Variants in CMIP observed in about 807,000 individuals in gnomAD.
CMIP encodes the protein C-Maf-inducing protein.
CMIP carries 13 observed loss-of-function variants against 97.3 expected under a neutral mutation model. The ratio of observed to expected loss-of-function variants is 0.13; its 90% CI spans 0.09 to 0.21. The LOEUF is 0.21. CMIP is among the 10% of genes least tolerant of loss of function. The pLI is 1.00. For synonymous variants in CMIP, 538 were observed against 436.3 expected, an observed-to-expected ratio of 1.23 and a Z score of -2.91; for missense variants, 847 against 1,024.9, an observed-to-expected ratio of 0.83 and a Z score of 2.37.
chr16:81,460,618 A>G (rs1269290546), intron 1 of CMIP, among the ~76,000 whole-genome samples: 1 of 151,912 alleles, frequency 6.6e-6, no homozygotes, highest in African/African-American at 2.4e-5. Context: ...GCCTTAATAT[A>G]TTGTCCTTTT....
rs138463331 is a variant in CMIP, at chr16:81,610,614, G to C, written c.426+2922G>C. The stretch of plus-strand genomic sequence containing the variant: ...CATTTCCGTCAGGGGAGGTAGACCT[G>C]GATCGGCTTCTCCCTTGCTTCCCTC... On this transcript the variant is annotated intron_variant, in intron 2 of 20. Transcript: ENST00000537098. 2.8e-4 allele frequency: 243 copies of C among 863,018 alleles called. No individual in the cohort carries two copies. The African/African-American group carries it at 4.2e-3, about 15-fold the overall frequency. The allele number at this position is 863,018 out of a possible 1,614,324, so 53.5% of individuals were successfully genotyped here.
intron 7 of CMIP, chr16:81,665,127 A>C (rs963761737): frequency 1.3e-5 from 2 of 152,238 alleles, no homozygotes; most frequent in Non-Finnish European, 2.9e-5. Context: ...GGAAATCTGA[A>C]TAAAGCTTGG....
intron 19 of CMIP, 90 bp from the exon 20 acceptor site, chr16:81,706,924 C>A: frequency 1.9e-6 from 2 of 1,080,944 alleles, no homozygotes; most frequent in Non-Finnish European, 2.8e-6. Flanking sequence ...GGGCCTGGCA[C>A]CTGCATTGAG....
At chr16:81,660,976 T>G (rs1240010191) in intron 6 of CMIP, 30 bp downstream of exon 6, 1 of 1,613,824 alleles carries the variant, frequency 6.2e-7, no homozygotes, top group African/African-American at 1.3e-5. Flanking sequence ...GGGCTGTGGC[T>G]GCAGGAAGTA....
intron 4 of CMIP, among the ~76,000 whole-genome samples, chr16:81,656,960 C>G (rs1175405597): frequency 6.6e-6 from 1 of 151,876 alleles, no homozygotes; most frequent in African/African-American, 2.4e-5. Flanking sequence ...ACATGACACT[C>G]AAAGGAAACG....
intron 16 of CMIP, among the ~76,000 whole-genome samples, chr16:81,702,239 G>A (rs1252580331): frequency 7.2e-5 from 11 of 152,198 alleles, no homozygotes; most frequent in Non-Finnish European, 1.6e-4. Context: ...TCTGGGGAGA[G>A]TGTGTAGAAA....
chr16:81,578,079 T>G (rs1200323050), intron 1 of CMIP, among the ~76,000 whole-genome samples: 2 of 151,142 alleles, frequency 1.3e-5, no homozygotes, highest in Non-Finnish European at 2.9e-5. Context: ...ACCATCACCT[T>G]CATCACCACC....
chr16:81,690,403 C>T (rs182815750), intron 10 of CMIP, among the ~76,000 whole-genome samples: 268 of 152,268 alleles, frequency 1.8e-3, no homozygotes, highest in Non-Finnish European at 3.0e-3. Flanking sequence ...GGGTATTTAG[C>T]ATCAACTCTT....
chr16:81,471,391 T>G (rs929104540), intron 1 of CMIP, among the ~76,000 whole-genome samples: 2 of 149,924 alleles, frequency 1.3e-5, no homozygotes, highest in African/African-American at 4.9e-5. Flanking sequence ...TGCATATGCA[T>G]ATACACGTAC....
chr16:81,484,583 GT>G (rs1408659733), intron 1 of CMIP, among the ~76,000 whole-genome samples: 2 of 152,098 alleles, frequency 1.3e-5, no homozygotes, highest in Non-Finnish European at 2.9e-5. Flanking sequence ...GCAGGAGTGG[GT>G]TTTTGTAGTG....
chr16:81,553,609 GGA>G (rs200975628), intron 1 of CMIP, among the ~76,000 whole-genome samples: 1 of 152,168 alleles, frequency 6.6e-6, no homozygotes, highest in Non-Finnish European at 1.5e-5. Context: ...CAGGCCAAGG[GGA>G]GAGAGAGAGA....
chr16:81,482,916 G>A (rs2089249186), intron 1 of CMIP, among the ~76,000 whole-genome samples: 1 of 152,258 alleles, frequency 6.6e-6, no homozygotes. Flanking sequence ...CTGCTTGCTC[G>A]TCCGTTCAGC....
intron 1 of CMIP, among the ~76,000 whole-genome samples, chr16:81,551,475 A>G (rs1017598097): frequency 2.2e-4 from 33 of 152,226 alleles, no homozygotes; most frequent in Admixed American, 5.2e-4. Context: ...AGAAAAATGA[A>G]AAAACATTTG....
intron 7 of CMIP, chr16:81,664,820 G>T (rs1465947995): frequency 3.9e-6 from 1 of 254,148 alleles, no homozygotes; most frequent in Non-Finnish European, 7.4e-6. Context: ...CAACAAGCCA[G>T]TTAGACAGAA....
At chr16:81,516,250 T>G (rs1003922984) in intron 1 of CMIP, among the ~76,000 whole-genome samples, 1 of 152,172 alleles carries the variant, frequency 6.6e-6, no homozygotes, top group African/African-American at 2.4e-5. Context: ...GTCACTTGAC[T>G]TCAGCAGCCC....
intron 1 of CMIP, among the ~76,000 whole-genome samples, chr16:81,550,003 C>T (rs989582511): frequency 2.0e-4 from 30 of 152,196 alleles, no homozygotes; most frequent in African/African-American, 6.8e-4. Context: ...ATGCGCTCAC[C>T]CGTGTGCGTG....
intron 1 of CMIP, among the ~76,000 whole-genome samples, chr16:81,598,565 G>C (rs1159073822): frequency 2.0e-5 from 3 of 152,146 alleles, no homozygotes; most frequent in African/African-American, 4.8e-5. Flanking sequence ...ACACAAGAGG[G>C]ATGTATTTTT....
chr16:81,517,324 G>A (rs1195138723), intron 1 of CMIP, among the ~76,000 whole-genome samples: 1 of 152,248 alleles, frequency 6.6e-6, no homozygotes, highest in East Asian at 1.9e-4. Flanking sequence ...GAATAGGTCA[G>A]TATGTCTTAG....
chr16:81,487,460 C>T (rs1348644596), intron 1 of CMIP, among the ~76,000 whole-genome samples: 1 of 152,188 alleles, frequency 6.6e-6, no homozygotes, highest in Non-Finnish European at 1.5e-5. Context: ...GTGAGGGGTT[C>T]TGAGCCTGTG....
Sources: allele counts gnomAD v4.1 joint callset (sites outside exome capture counted in the v4.1 genomes callset), GRCh38; gene constraint gnomAD v4.1.1; transcripts MANE v1.5; gene names NCBI Gene and HGNC (gene_info 2026-07-23, HGNC 2026-07-21).